The following HPSE2 variants were observed in gnomAD, a reference collection of about 807,000 sequenced individuals.
The protein encoded by HPSE2 is inactive heparanase-2.
Under a neutral mutation model 60.5 loss-of-function variants are expected in HPSE2, and 38 were observed. The ratio of observed to expected loss-of-function variants is 0.63; its 90% CI spans 0.48 to 0.82. The LOEUF is 0.82. Ranked by LOEUF, HPSE2 falls within the 40% of genes least tolerant of loss-of-function variation. HPSE2 has a pLI of 0.00. For missense variants in HPSE2, 713 were observed against 740.4 expected (o/e 0.96, Z 0.43); for synonymous variants, 295 against 293.2 (o/e 1.01, Z -0.06).
At chr10:98,588,640 G>A (rs564546263) in intron 9 of HPSE2, among the ~76,000 whole-genome samples, 2 of 152,124 alleles carry the variant, frequency 1.3e-5, no homozygotes, top group East Asian at 3.9e-4. Flanking sequence ...AGCTTAACAT[G>A]GAGCAATGGT....
rs1210429825 is a variant in HPSE2 at position 98,725,926 on chromosome 10, T to C, written c.785-4098A>G. On this transcript the variant is annotated intron_variant, in intron 4 of 11. Coordinates refer to ENST00000370552, the MANE Select transcript of HPSE2 (RefSeq NM_021828.5). ...GCCATCAGAGAAATGCAAATCAAAATCACAATGAGATACCATCTCTCACCA... is the reference window on the plus strand; with the variant it reads ...GCCATCAGAGAAATGCAAATCAAAACCACAATGAGATACCATCTCTCACCA... Among the ~76,000 whole-genome samples the C allele has an allele frequency of 1.6e-4, 25 of 152,112 alleles. 1 individual carries two copies. The highest frequency in any genetic ancestry group is 6.2e-4 in the South Asian group (3 of 4,808).
the HPSE2 span, among the ~76,000 whole-genome samples, chr10:99,315,431 C>T: frequency 3.9e-5 from 6 of 152,230 alleles, no homozygotes; most frequent in Admixed American, 3.3e-4. Flanking sequence ...CGTTCACAGA[C>T]GACCAGAATT....
At chr10:98,637,503 T>C (rs1946528458) in intron 7 of HPSE2, among the ~76,000 whole-genome samples, 1 of 152,216 alleles carries the variant, frequency 6.6e-6, no homozygotes, top group Non-Finnish European at 1.5e-5. Flanking sequence ...ATGACTTTCC[T>C]AATCTACCTA....
At chr10:99,143,511 G>A (rs891231459) in intron 3 of HPSE2, among the ~76,000 whole-genome samples, 1 of 152,050 alleles carries the variant, frequency 6.6e-6, no homozygotes, top group Admixed American at 6.6e-5. Flanking sequence ...TATAACGTAG[G>A]TCTGCCTTAT....
intron 3 of HPSE2, among the ~76,000 whole-genome samples, chr10:99,088,342 CTT>C (rs1462638478): frequency 2.0e-5 from 3 of 152,228 alleles, no homozygotes; most frequent in Non-Finnish European, 4.4e-5. Context: ...AATGTGTAGT[CTT>C]TTACCCTTCA....
intron 3 of HPSE2, among the ~76,000 whole-genome samples, chr10:98,800,913 A>C (rs749490694): frequency 1.3e-5 from 2 of 152,204 alleles, no homozygotes; most frequent in Non-Finnish European, 2.9e-5. Context: ...CCAGACAAAG[A>C]CACATCAAAA....
intron 3 of HPSE2, among the ~76,000 whole-genome samples, chr10:98,889,047 C>T (rs965167596): frequency 7.2e-5 from 11 of 152,078 alleles, no homozygotes; most frequent in Non-Finnish European, 8.8e-5. Context: ...GAAGTCTCAC[C>T]AGTGATACCA....
At chr10:98,933,576 G>C (rs1954701839) in intron 3 of HPSE2, among the ~76,000 whole-genome samples, 1 of 143,544 alleles carries the variant, frequency 7.0e-6, no homozygotes, top group Non-Finnish European at 1.5e-5. Flanking sequence ...GACTATTATT[G>C]TGTGGGGGTC....
intron 6 of HPSE2, among the ~76,000 whole-genome samples, chr10:98,651,391 A>G (rs148945398): frequency 1.7e-3 from 262 of 152,318 alleles, no homozygotes; most frequent in African/African-American, 5.8e-3. Context: ...AGTGCTCAGA[A>G]TATATAATAT....
intron 3 of HPSE2, among the ~76,000 whole-genome samples, chr10:99,076,301 T>C (rs867653186): frequency 2.0e-4 from 30 of 152,238 alleles, no homozygotes; most frequent in African/African-American, 7.2e-4. Context: ...GTAACTTTGA[T>C]TGCAGAAAAA....
chr10:98,901,912 C>G (rs1021993006), intron 3 of HPSE2, among the ~76,000 whole-genome samples: 1 of 152,150 alleles, frequency 6.6e-6, no homozygotes, highest in East Asian at 1.9e-4. Flanking sequence ...ATGGCACATG[C>G]TCAATTATAA....
chr10:99,259,144 A>G, the HPSE2 span, among the ~76,000 whole-genome samples: 1 of 152,160 alleles, frequency 6.6e-6, no homozygotes, highest in South Asian at 2.1e-4. Flanking sequence ...CATCTCTACT[A>G]AAAATGCAAA....
intron 3 of HPSE2, among the ~76,000 whole-genome samples, chr10:99,053,639 T>C (rs533741804): frequency 1.3e-5 from 2 of 150,334 alleles, no homozygotes; most frequent in Non-Finnish European, 3.0e-5. Context: ...TTACAACCCT[T>C]GAAAGAAAGG....
intron 3 of HPSE2, among the ~76,000 whole-genome samples, chr10:98,912,532 G>A (rs999587598): frequency 8.5e-5 from 13 of 152,234 alleles, no homozygotes; most frequent in Admixed American, 7.2e-4. Context: ...GCTAAGATTT[G>A]GAAGCAATCT....
intron 6 of HPSE2, among the ~76,000 whole-genome samples, chr10:98,648,056 AATGAGTGCCTGT>A (rs1946820699): frequency 6.6e-6 from 1 of 152,214 alleles, no homozygotes; most frequent in African/African-American, 2.4e-5. Context: ...TTAATGAAAG[AATGAGTGCCTGT>A]ATGACTTAAC....
At chr10:99,006,117 G>A (rs1237510396) in intron 3 of HPSE2, among the ~76,000 whole-genome samples, 1 of 152,174 alleles carries the variant, frequency 6.6e-6, no homozygotes, top group Non-Finnish European at 1.5e-5. Flanking sequence ...TCTGGCACTG[G>A]GGTGGTCTCT....
chr10:99,211,725 G>C (rs566020620), intron 2 of HPSE2, among the ~76,000 whole-genome samples: 11 of 152,088 alleles, frequency 7.2e-5, no homozygotes, highest in Middle Eastern at 3.4e-3. Flanking sequence ...TGGATTAAAG[G>C]GTTAAATTTA....
At chr10:99,195,046 A>C (rs751947578) in intron 2 of HPSE2, among the ~76,000 whole-genome samples, 5 of 152,162 alleles carry the variant, frequency 3.3e-5, no homozygotes, top group Non-Finnish European at 1.5e-5. Context: ...ACCAAGTGGG[A>C]TTTATGTCAG....
chr10:98,509,438 A>G (rs967880827), intron 9 of HPSE2, among the ~76,000 whole-genome samples: 1 of 152,220 alleles, frequency 6.6e-6, no homozygotes, highest in Non-Finnish European at 1.5e-5. Context: ...AAGAGATAGC[A>G]TTGATAAGAT....
Sources: gnomAD v4.1 joint callset for allele counts (sites outside exome capture counted in the v4.1 genomes callset) on GRCh38, gnomAD v4.1.1 for gene constraint, MANE v1.5 for transcripts, NCBI Gene and HGNC (gene_info 2026-07-23, HGNC 2026-07-21) for gene names.